CEP85L: variants seen among roughly 807,000 people sequenced by gnomAD.
The protein encoded by CEP85L is centrosomal protein 85L, also known as centrosomal protein of 85 kDa-like.
A neutral mutation model predicts 100.3 loss-of-function variants in CEP85L; 60 were observed. The ratio of observed to expected loss-of-function variants is 0.60; its 90% CI spans 0.49 to 0.74. CEP85L has a LOEUF of 0.74. Among genes scored for constraint, CEP85L ranks in the 30% least tolerant of loss-of-function variants. The pLI, the probability that CEP85L is intolerant of heterozygous loss-of-function variation, is 0.00. For synonymous variants in CEP85L, 319 were observed against 322.7 expected (o/e 0.99, Z 0.12); for missense variants, 973 against 936.2 (o/e 1.04, Z -0.51).
chr6:118,648,652 G>C (rs982902001), intron 1 of CEP85L, among the ~76,000 whole-genome samples: 1 of 150,076 alleles, frequency 6.7e-6, no homozygotes, highest in African/African-American at 2.5e-5. Flanking sequence ...TGAGGCAGGA[G>C]AATGGCGTGA....
intron 5 of CEP85L, among the ~76,000 whole-genome samples, chr6:118,498,960 G>T (rs2114649611): frequency 6.6e-6 from 1 of 152,240 alleles, no homozygotes; most frequent in East Asian, 1.9e-4. Context: ...AAAGACAGCT[G>T]GGAAATCCCA....
chr6:118,474,962 G>A (rs1452674743), intron 10 of CEP85L, among the ~76,000 whole-genome samples: 1 of 152,148 alleles, frequency 6.6e-6, no homozygotes. Flanking sequence ...CAAACACTAA[G>A]CTAATGAACT....
intron 1 of CEP85L, among the ~76,000 whole-genome samples, chr6:118,648,734 T>A (rs1311703502): frequency 7.1e-6 from 1 of 140,872 alleles, no homozygotes; most frequent in African/African-American, 2.7e-5. Context: ...AGAGAAAGAC[T>A]GTCTCAAAAA....
chr6:118,511,560 C>T lies in CEP85L; in HGVS notation c.1140-145G>A, dbSNP rs993755114. ...CCTTGCTTTCTTCAACAACTCATAG[C>T]TTGCTTTAAGCAAGTTATTTAATTT... On this transcript the variant is annotated intron_variant, in intron 4 of 12. Coordinates refer to ENST00000368491, the MANE Select transcript of CEP85L (RefSeq NM_001042475.3). 4.7e-5 allele frequency: 26 copies of T among 557,988 alleles called. No homozygotes were observed. The African/African-American group carries it at 5.0e-4, about 11-fold the overall frequency. 34.6% of individuals were successfully genotyped at this position (557,988 alleles called of 1,614,324 possible).
intron 2 of CEP85L, among the ~76,000 whole-genome samples, chr6:118,574,982 G>A (rs74618731): frequency 0.015 from 2,302 of 152,188 alleles, 64 homozygotes; most frequent in African/African-American, 0.052. Flanking sequence ...GTTGGGGGGC[G>A]GGGGCAGTGG....
chr6:118,676,068 T>G (rs774259079), intron 1 of CEP85L, among the ~76,000 whole-genome samples: 1 of 152,084 alleles, frequency 6.6e-6, no homozygotes, highest in Non-Finnish European at 1.5e-5. Flanking sequence ...TTATTACTAT[T>G]TTTTTTACTA....
intron 10 of CEP85L, among the ~76,000 whole-genome samples, chr6:118,477,057 G>A (rs974291230): frequency 1.3e-5 from 2 of 152,056 alleles, no homozygotes; most frequent in Admixed American, 1.3e-4. Flanking sequence ...GAATTGACAA[G>A]CAACATTCTA....
At chr6:118,689,953 T>A (rs1173120947) in intron 1 of CEP85L, among the ~76,000 whole-genome samples, 2 of 148,266 alleles carry the variant, frequency 1.3e-5, no homozygotes, top group Non-Finnish European at 3.0e-5. Context: ...AGGGTCCCAC[T>A]ATGTTGCCCA....
At chr6:118,635,636 C>T (rs1774446004) in intron 1 of CEP85L, among the ~76,000 whole-genome samples, 1 of 152,126 alleles carries the variant, frequency 6.6e-6, no homozygotes, top group South Asian at 2.1e-4. Context: ...ATTCAGATTC[C>T]TAGTAACAAT....
intron 1 of CEP85L, among the ~76,000 whole-genome samples, chr6:118,681,748 CTTT>C (rs199966143): frequency 0.014 from 1,723 of 124,682 alleles, 27 homozygotes; most frequent in African/African-American, 0.045. Flanking sequence ...ATAATTATTT[CTTT>C]TTTTTTTTTT....
intron 3 of CEP85L, among the ~76,000 whole-genome samples, chr6:118,542,238 C>T (rs1250713385): frequency 6.6e-6 from 1 of 152,028 alleles, no homozygotes; most frequent in Non-Finnish European, 1.5e-5. Flanking sequence ...CACAAAAATG[C>T]CCAAGCATAT....
At chr6:118,604,092 G>C (rs1772009923) in intron 2 of CEP85L, among the ~76,000 whole-genome samples, 1 of 152,188 alleles carries the variant, frequency 6.6e-6, no homozygotes, top group Non-Finnish European at 1.5e-5. Context: ...TTTTACATTT[G>C]ATAATGCTTC....
intron 3 of CEP85L, among the ~76,000 whole-genome samples, chr6:118,536,499 T>C (rs1208668079): frequency 1.3e-5 from 2 of 152,212 alleles, no homozygotes; most frequent in Admixed American, 1.3e-4. Flanking sequence ...GAAATACTTA[T>C]ACTTTATTTC....
chr6:118,554,148 C>G (rs939837294), intron 3 of CEP85L, among the ~76,000 whole-genome samples: 6 of 152,072 alleles, frequency 3.9e-5, no homozygotes, highest in African/African-American at 1.4e-4. Flanking sequence ...ATTAGCCAGG[C>G]ATGGTGGCGC....
At chr6:118,665,035 G>A (rs17427116) in intron 1 of CEP85L, among the ~76,000 whole-genome samples, 55,986 of 152,060 alleles carry the variant, frequency 0.37, 11,050 homozygotes, top group Non-Finnish European at 0.46. Context: ...CTCCAGAAAC[G>A]TAGCCCTAGT....
chr6:118,614,710 A>T (rs1772897551), intron 2 of CEP85L, among the ~76,000 whole-genome samples: 1 of 152,140 alleles, frequency 6.6e-6, no homozygotes, highest in Non-Finnish European at 1.5e-5. Flanking sequence ...TGGTGGTGGC[A>T]CATGCCTGTA....
chr6:118,465,251 A>G lies in CEP85L; in HGVS notation c.*154T>C. On this transcript the variant is annotated 3_prime_UTR_variant, in exon 13 of 13. Transcript: ENST00000368491. ...TGCCTGATTAGATAAGCCCCTTCAA[A>G]ATCTCTTCACTTCCCTTCTCCCCTT... The G allele has an allele frequency of 1.7e-6, 1 of 584,992 alleles. No homozygotes were observed. Among genetic ancestry groups the G allele is most frequent in the Non-Finnish European group, 2.9e-6 (1 of 349,354 alleles). The allele number at this position is 584,992 out of a possible 1,614,324, so 36.2% of individuals were successfully genotyped here.
At chr6:118,565,493 A>C in intron 3 of CEP85L, 36 bp downstream of exon 3, 1 of 1,594,244 alleles carries the variant, frequency 6.3e-7, no homozygotes, top group Non-Finnish European at 8.6e-7. Flanking sequence ...CATAACATCC[A>C]CTGGAGGGAA....
chr6:118,562,615 C>T (rs1433659383), intron 3 of CEP85L, among the ~76,000 whole-genome samples: 1 of 152,126 alleles, frequency 6.6e-6, no homozygotes, highest in African/African-American at 2.4e-5. Flanking sequence ...CCCCCATCAG[C>T]CTCCCAAAGT....
Sources: allele counts gnomAD v4.1 joint callset (sites outside exome capture counted in the v4.1 genomes callset), GRCh38; gene constraint gnomAD v4.1.1; transcripts MANE v1.5; gene names NCBI Gene and HGNC (gene_info 2026-07-23, HGNC 2026-07-21).